Variants in IL1RL2 observed in about 807,000 individuals in gnomAD.
IL1RL2 encodes interleukin-1 receptor-like 2.
In IL1RL2, 68 loss-of-function variants were observed where a neutral mutation model predicts 66.8. The ratio of observed to expected loss-of-function variants is 1.02; its 90% CI spans 0.84 to 1.25. The LOEUF (loss-of-function observed/expected upper bound fraction) is 1.25. Ranked by LOEUF, IL1RL2 falls within the 50% of genes most tolerant of loss-of-function variation. IL1RL2 has a pLI of 0.00. For missense variants in IL1RL2, 729 were observed against 709.3 expected, an observed-to-expected ratio of 1.03 and a Z score of -0.32; for synonymous variants, 305 against 264.6, an observed-to-expected ratio of 1.15 and a Z score of -1.48.
At chr2:102,233,810 G>T (rs779109935) in intron 10 of IL1RL2, among the ~76,000 whole-genome samples, 16 of 152,204 alleles carry the variant, frequency 1.1e-4, no homozygotes, top group Non-Finnish European at 2.1e-4. Context: ...CTGTCCCTTT[G>T]TTCTCCTTCT....
downstream of IL1RL2, among the ~76,000 whole-genome samples, chr2:102,240,430 G>C (rs1675199878): frequency 8.1e-6 from 1 of 124,124 alleles, no homozygotes; most frequent in South Asian, 2.8e-4. Context: ...GGGATTACAA[G>C]CATGAGCCAC....
chr2:102,187,998 C>G, intron 2 of IL1RL2, 73 bp downstream of exon 2: 1 of 1,454,290 alleles, frequency 6.9e-7, no homozygotes, highest in Non-Finnish European at 9.7e-7. Context: ...TTGGGAGCCC[C>G]CGGGGATCGC....
chr2:102,224,730 G>T (rs1288376118), intron 8 of IL1RL2, among the ~76,000 whole-genome samples: 1 of 152,176 alleles, frequency 6.6e-6, no homozygotes, highest in Non-Finnish European at 1.5e-5. Context: ...AATGAATTTG[G>T]AATATTCCCA....
chr2:102,223,966 A>C (rs1221734293), intron 8 of IL1RL2, among the ~76,000 whole-genome samples: 1 of 152,222 alleles, frequency 6.6e-6, no homozygotes, highest in Non-Finnish European at 1.5e-5. Flanking sequence ...TACTGGCTGC[A>C]TTGGGACTTA....
rs758895457 is a variant in IL1RL2, at chr2:102,225,957, T to G, written c.1051T>G (p.Ser351Ala). The G allele has an allele frequency of 1.2e-6, 2 of 1,611,200 alleles. No homozygotes were observed. The highest frequency in any genetic ancestry group is 1.7e-5 in the Admixed American group (1 of 59,744). Reference protein sequence around the residue: ...GLIALVAVAVSVVYIYNIFKI... With the variant: ...GLIALVAVAVAVVYIYNIFKI... ...TATCGCCTTGGTGGCTGTGGCTGTGTCTGTTGTGTACATATACAACATTTT... is the reference window on the plus strand; with the variant it reads ...TATCGCCTTGGTGGCTGTGGCTGTGGCTGTTGTGTACATATACAACATTTT... Residue 351 changes from serine to alanine, a missense_variant, in exon 9 of 12, where the codon TCT becomes GCT. Coordinates refer to ENST00000264257, the MANE Select transcript of IL1RL2 (RefSeq NM_003854.4).
At chr2:102,225,847 G>T (rs1205199642) in intron 8 of IL1RL2, 51 bp from the exon 9 acceptor site, 10 of 1,377,528 alleles carry the variant, frequency 7.3e-6, no homozygotes, top group Non-Finnish European at 8.7e-6. Context: ...TGGACTCTTT[G>T]TTTCATTATT....
chr2:102,207,665 G>A lies in IL1RL2; in HGVS notation c.650-4435G>A, dbSNP rs117409762. Among the ~76,000 whole-genome samples the A allele has an allele frequency of 1.3e-3, 198 of 152,052 alleles. 3 individuals are homozygous for A. The highest frequency in any genetic ancestry group is 0.011 in the East Asian group (57 of 5,182). ...TCCTCTCCTTAAGCAGAAGGAAAGC[G>A]TCTCTTTTATAGCTGCAAGGTGTGC... On this transcript the variant is annotated intron_variant, in intron 5 of 11. Coordinates refer to ENST00000264257, the MANE Select transcript of IL1RL2 (RefSeq NM_003854.4).
At chr2:102,214,217 G>A (rs1356323775) in intron 6 of IL1RL2, among the ~76,000 whole-genome samples, 4 of 152,242 alleles carry the variant, frequency 2.6e-5, no homozygotes, top group African/African-American at 4.8e-5. Flanking sequence ...GCAAGAGAAG[G>A]AGTTTTGGAA....
chr2:102,195,631 C>CTTTCTTTCTTTCCTTCTTTCTT (rs1559530311), intron 4 of IL1RL2, among the ~76,000 whole-genome samples: 2 of 24,402 alleles, frequency 8.2e-5, no homozygotes, highest in African/African-American at 1.9e-4. Context: ...CTTTCTTTCT[C>CTTTCTTTCTTTCCTTCTTTCTT]TCTCTCTCTC....
chr2:102,240,308 C>T (rs564327454), downstream of IL1RL2, among the ~76,000 whole-genome samples: 22 of 147,672 alleles, frequency 1.5e-4, 1 homozygote, highest in Middle Eastern at 3.5e-3. Flanking sequence ...TGAATATTTT[C>T]GTCCTCTCAT....
Position 102,232,909 on chromosome 2 carries a change from A to G in IL1RL2, c.1136-54A>G. ...AGCCGCTCAGGCTTCCGGTTTATTAACATGAGAGAATTTGGTAGCAACAAT... is the reference window on the plus strand; with the variant it reads ...AGCCGCTCAGGCTTCCGGTTTATTAGCATGAGAGAATTTGGTAGCAACAAT... On this transcript the variant is annotated intron_variant, in intron 9 of 11. Coordinates refer to ENST00000264257, the MANE Select transcript of IL1RL2 (RefSeq NM_003854.4). 2.5e-6 allele frequency: 4 copies of G among 1,575,332 alleles called. No individual in the cohort carries two copies. In the South Asian group the frequency reaches 4.5e-5, roughly 18 times the overall value.
chr2:102,242,776 T>A (rs1181592803), downstream of IL1RL2, among the ~76,000 whole-genome samples: 1 of 152,230 alleles, frequency 6.6e-6, no homozygotes, highest in Non-Finnish European at 1.5e-5. Context: ...TGGGCATCCT[T>A]CAGCCCAGGC....
At chr2:102,219,282 A>G (rs1559551608) in intron 7 of IL1RL2, among the ~76,000 whole-genome samples, 200 bp downstream of exon 7, 1 of 152,236 alleles carries the variant, frequency 6.6e-6, no homozygotes, top group African/African-American at 2.4e-5. Flanking sequence ...TCTCTTAGCT[A>G]CTACTCAAAA....
chr2:102,226,764 G>A (rs1043929207), intron 9 of IL1RL2, among the ~76,000 whole-genome samples: 18 of 151,844 alleles, frequency 1.2e-4, no homozygotes, highest in Admixed American at 3.9e-4. Context: ...AGAGATGGAG[G>A]AGAAGGGAGG....
intron 2 of IL1RL2, among the ~76,000 whole-genome samples, chr2:102,188,322 T>C (rs946226822): frequency 1.4e-4 from 22 of 152,272 alleles, no homozygotes; most frequent in Non-Finnish European, 2.4e-4. Flanking sequence ...CAGTGGCTCA[T>C]GCCTGTAATC....
At chr2:102,235,819 T>G in intron 11 of IL1RL2, 17 of 985,404 alleles carry the variant, frequency 1.7e-5, no homozygotes, top group Non-Finnish European at 2.0e-5. Flanking sequence ...GACAAAGAGC[T>G]GCAAACACAG....
At chr2:102,236,185 T>C (rs974608188) in intron 11 of IL1RL2, among the ~76,000 whole-genome samples, 2 of 152,216 alleles carry the variant, frequency 1.3e-5, no homozygotes, top group Admixed American at 1.3e-4. Context: ...TCCAAGACCC[T>C]GGCCTGAGGG....
chr2:102,228,341 G>A (rs945542658), intron 9 of IL1RL2, among the ~76,000 whole-genome samples: 1 of 152,134 alleles, frequency 6.6e-6, no homozygotes, highest in African/African-American at 2.4e-5. Flanking sequence ...ATGAGAAAGA[G>A]AGAAATAATG....
intron 10 of IL1RL2, among the ~76,000 whole-genome samples, chr2:102,233,802 G>A (rs35824335): frequency 0.012 from 1,878 of 152,190 alleles, 16 homozygotes; most frequent in African/African-American, 0.024. Context: ...GTGCTTTCCT[G>A]TCCCTTTGTT....
Sources: allele counts gnomAD v4.1 joint callset (sites outside exome capture counted in the v4.1 genomes callset), GRCh38; gene constraint gnomAD v4.1.1; transcripts MANE v1.5; gene names NCBI Gene and HGNC (gene_info 2026-07-23, HGNC 2026-07-21).